The following COL5A1 variants were observed in gnomAD, a reference collection of about 807,000 sequenced individuals.
COL5A1 encodes the protein collagen type V alpha 1 chain.
In COL5A1, 16 loss-of-function variants were observed where a neutral mutation model predicts 263.7. That is an observed-to-expected ratio of 0.06 (90% confidence interval 0.04 to 0.09). COL5A1 has a LOEUF of 0.09. Among genes scored for constraint, COL5A1 ranks in the 10% least tolerant of loss-of-function variants. The pLI, the probability that COL5A1 is intolerant of heterozygous loss-of-function variation, is 1.00. For synonymous variants in COL5A1, 1,012 were observed against 1,004.5 expected (o/e 1.01, Z -0.14); for missense variants, 2,036 against 2,540.5 (o/e 0.80, Z 4.27).
chr9:134,817,177 C>A, intron 53 of COL5A1, 98 bp downstream of exon 53: 1 of 1,117,986 alleles, frequency 8.9e-7, no homozygotes, highest in Non-Finnish European at 1.4e-6. Flanking sequence ...GTGCTCTAAG[C>A]TGCACTGATG....
At chr9:134,791,398 TCAGGACACTGAGCA>T (rs1837686268) in intron 32 of COL5A1, among the ~76,000 whole-genome samples, 1 of 152,166 alleles carries the variant, frequency 6.6e-6, no homozygotes, top group Non-Finnish European at 1.5e-5. Context: ...AGCCTCCCGT[TCAGGACACTGAGCA>T]CAGCCTTTGC....
At position 134,642,022 on chromosome 9, in the gene COL5A1, A is replaced by T; in HGVS notation, c.-166A>T. 1 of 601,272 alleles carries T rather than the reference A, an allele frequency of 1.7e-6. No homozygotes were observed. The highest frequency in any genetic ancestry group is 2.4e-6 in the Non-Finnish European group (1 of 412,830). 37.2% of individuals were successfully genotyped at this position (601,272 alleles called of 1,614,324 possible). On this transcript the variant is annotated 5_prime_UTR_variant, in exon 1 of 66. Coordinates refer to ENST00000371817, the MANE Select transcript of COL5A1 (RefSeq NM_000093.5). This position sits in a 1 kb window ranked among gnomAD's most constrained non-coding sequence, Gnocchi z 4.5. ...GGCGAGCGCGCCAGCCGCCCCTTCCAGAACAGCCGCCGCCACAAAGAAGAA... is the reference window on the plus strand; with the variant it reads ...GGCGAGCGCGCCAGCCGCCCCTTCCTGAACAGCCGCCGCCACAAAGAAGAA...
Position 134,681,627 on chromosome 9 carries a change from C to T in COL5A1, c.110-9285C>T, listed in dbSNP as rs897433505. Among the ~76,000 whole-genome samples the T allele has an allele frequency of 6.6e-6, 1 of 152,142 alleles. No homozygotes were observed. Among genetic ancestry groups the T allele is most frequent in the Non-Finnish European group, 1.5e-5 (1 of 68,010 alleles). On this transcript the variant is annotated intron_variant, in intron 1 of 65. Coordinates refer to ENST00000371817, the MANE Select transcript of COL5A1 (RefSeq NM_000093.5). This position sits in a 1 kb window ranked among gnomAD's most constrained non-coding sequence, Gnocchi z 4.3. ...TGGACTGGGCACTGAGGGTGACTCC[C>T]TTGCAGCCCCAGCATGGCACCAGCC...
intron 4 of COL5A1, chr9:134,708,928 G>A (rs958658767): frequency 3.9e-5 from 18 of 456,498 alleles, no homozygotes; most frequent in African/African-American, 2.2e-4. Context: ...TTGTGGCCAC[G>A]TCGCCCCAGC....
intron 7 of COL5A1, 50 bp downstream of exon 7, chr9:134,730,525 C>T (rs980854276): frequency 2.5e-6 from 4 of 1,611,010 alleles, no homozygotes; most frequent in Non-Finnish European, 2.5e-6. Flanking sequence ...GGGCCAAGGG[C>T]CAGGGCTGGG....
At chr9:134,783,276 T>A (rs1273504475) in intron 29 of COL5A1, among the ~76,000 whole-genome samples, 1 of 152,216 alleles carries the variant, frequency 6.6e-6, no homozygotes, top group East Asian at 1.9e-4. Flanking sequence ...TGATTTTGGC[T>A]CAGGAGACCT....
At chr9:134,703,943 G>T (rs909337806) in intron 4 of COL5A1, among the ~76,000 whole-genome samples, 9 of 151,998 alleles carry the variant, frequency 5.9e-5, no homozygotes, top group Admixed American at 2.0e-4. Flanking sequence ...CCGGCCTCAG[G>T]GTTTTAATGT....
At position 134,796,896 on chromosome 9, in the gene COL5A1, C is replaced by A. The variant is rs755051823; in HGVS notation, c.2893C>A (p.Pro965Thr). The A allele has an allele frequency of 6.2e-7, 1 of 1,613,940 alleles. No homozygotes were observed. The highest frequency in any genetic ancestry group is 1.3e-5 in the African/African-American group (1 of 74,972). The change falls in exon 36 of 66, where the codon CCC becomes ACC. Residue 965 changes from proline to threonine, a missense_variant. Physicochemically the swap from Pro to Thr is conservative, Grantham distance 38. Coordinates refer to ENST00000371817, the MANE Select transcript of COL5A1 (RefSeq NM_000093.5). ...GPTGFPGPKG[P>T]PGPPGKDGLP... Reference sequence around the variant, plus strand: ...CACAGGATTTCCTGGACCAAAGGGCCCCCCTGTAAGTAATGGCTTCCTTGC... The same window carrying A: ...CACAGGATTTCCTGGACCAAAGGGCACCCCTGTAAGTAATGGCTTCCTTGC...
At chr9:134,840,690 G>A (rs1406137472) in intron 65 of COL5A1, among the ~76,000 whole-genome samples, 30 of 152,166 alleles carry the variant, frequency 2.0e-4, no homozygotes. Context: ...CACAGTTCTG[G>A]AGGCTGGAAG....
chr9:134,706,850 C>T (rs1320883115), intron 4 of COL5A1, among the ~76,000 whole-genome samples: 1 of 152,244 alleles, frequency 6.6e-6, no homozygotes, highest in African/African-American at 2.4e-5. Context: ...CCAGCATAAG[C>T]TGTTAGCAAG....
intron 22 of COL5A1, 96 bp from the exon 23 acceptor site, chr9:134,766,904 G>T: frequency 8.2e-7 from 1 of 1,214,988 alleles, no homozygotes; most frequent in South Asian, 1.3e-5. Flanking sequence ...GGAGCAGTTT[G>T]AAAGGATGGG....
At chr9:134,825,752 T>G in intron 62 of COL5A1, 40 bp from the exon 63 acceptor site, 1 of 1,386,660 alleles carries the variant, frequency 7.2e-7, no homozygotes, top group Non-Finnish European at 1.0e-6. Flanking sequence ...GAGCAATCCT[T>G]CTGACTCTGC....
Position 134,652,667 on chromosome 9 carries a change from C to G in COL5A1, c.109+10371C>G, listed in dbSNP as rs1462882195. On this transcript the variant is annotated intron_variant, in intron 1 of 65. Coordinates refer to ENST00000371817, the MANE Select transcript of COL5A1 (RefSeq NM_000093.5). The surrounding 1 kb of genome is among the most constrained non-coding windows in gnomAD (Gnocchi z 4.4). ...GACCCAGCCCGGAGGCTGCAGGAATCGTGGGATAGAGGAAGCAAAGGTGAG... is the reference window on the plus strand; with the variant it reads ...GACCCAGCCCGGAGGCTGCAGGAATGGTGGGATAGAGGAAGCAAAGGTGAG... The G allele has an allele frequency of 2.1e-6, 1 of 470,710 alleles. No homozygotes were observed. Among genetic ancestry groups the G allele is most frequent in the Non-Finnish European group, 4.4e-6 (1 of 226,862 alleles). 29.2% of individuals were successfully genotyped at this position (470,710 alleles called of 1,614,324 possible).
intron 38 of COL5A1, 26 bp downstream of exon 38, chr9:134,802,033 A>G (rs1237412035): frequency 3.7e-6 from 6 of 1,610,976 alleles, no homozygotes; most frequent in East Asian, 4.5e-5. Flanking sequence ...CCCAGATTCC[A>G]TGGGTCACTC....
intron 4 of COL5A1, among the ~76,000 whole-genome samples, chr9:134,707,346 G>T (rs1037555430): frequency 1.3e-5 from 2 of 152,216 alleles, no homozygotes; most frequent in Non-Finnish European, 2.9e-5. Context: ...AAGCTCTAAC[G>T]GTCCTCCATC....
At chr9:134,824,924 G>A (rs909924502) in intron 62 of COL5A1, 69 bp downstream of exon 62, 1 of 1,539,610 alleles carries the variant, frequency 6.5e-7, no homozygotes, top group Non-Finnish European at 8.7e-7. Context: ...ATGGAGTGTG[G>A]CAAGGACAGT....
At chr9:134,825,310 A>G (rs766662961) in intron 62 of COL5A1, among the ~76,000 whole-genome samples, 11 of 152,210 alleles carry the variant, frequency 7.2e-5, no homozygotes, top group Non-Finnish European at 1.2e-4. Flanking sequence ...GCGATACTGT[A>G]AAAACACATC....
intron 11 of COL5A1, among the ~76,000 whole-genome samples, chr9:134,740,224 C>T (rs909686305): frequency 6.6e-6 from 1 of 151,650 alleles, no homozygotes. Flanking sequence ...CTTGCCCAGC[C>T]AGCACCGGCC....
intron 44 of COL5A1, chr9:134,810,530 C>T (rs776674571): frequency 6.0e-5 from 34 of 566,160 alleles, no homozygotes; most frequent in Non-Finnish European, 9.7e-5. Context: ...CAGGAAGCAT[C>T]CACCGGTTTT....
Sources: allele counts gnomAD v4.1 joint callset (sites outside exome capture counted in the v4.1 genomes callset), GRCh38; gene constraint gnomAD v4.1.1; non-coding constraint Gnocchi (gnomAD v3.1); transcripts MANE v1.5; gene names NCBI Gene and HGNC (gene_info 2026-07-23, HGNC 2026-07-21).